SLC1A7: variants seen among roughly 807,000 people sequenced by gnomAD.
The protein encoded by SLC1A7 is solute carrier family 1 member 7.
Under a neutral mutation model 47.7 loss-of-function variants are expected in SLC1A7, and 40 were observed. The observed-to-expected ratio is 0.84, with a 90% CI of 0.65 to 1.09. The LOEUF is 1.09. Ranked by LOEUF, SLC1A7 falls within the 50% of genes least tolerant of loss-of-function variation. The pLI, the probability that SLC1A7 is intolerant of heterozygous loss-of-function variation, is 0.00. For synonymous variants in SLC1A7, 323 were observed against 325.6 expected (o/e 0.99, Z 0.09); for missense variants, 746 against 769.5 (o/e 0.97, Z 0.36).
chr1:53,094,052 C>T (rs1308143923), intron 5 of SLC1A7, among the ~76,000 whole-genome samples: 3 of 152,234 alleles, frequency 2.0e-5, no homozygotes, highest in Non-Finnish European at 4.4e-5. Context: ...GCTGCCCGCT[C>T]TCCAAACAGC....
chr1:53,130,157 A>T (rs1205575642), intron 2 of SLC1A7, among the ~76,000 whole-genome samples: 3 of 152,258 alleles, frequency 2.0e-5, no homozygotes, highest in Non-Finnish European at 4.4e-5. Context: ...ACAGATCATC[A>T]TCCATTTTAC....
intron 2 of SLC1A7, chr1:53,115,180 A>T: frequency 1.7e-6 from 1 of 590,248 alleles, no homozygotes; most frequent in Non-Finnish European, 3.0e-6. Flanking sequence ...GGCCACACAC[A>T]TCTGTGCCTT....
At chr1:53,101,469 C>T (rs1436420398) in intron 5 of SLC1A7, among the ~76,000 whole-genome samples, 6 of 149,154 alleles carry the variant, frequency 4.0e-5, no homozygotes, top group East Asian at 4.0e-4. Context: ...CACACCACCT[C>T]GAAACACCCA....
At chr1:53,098,816 C>A (rs1303349903) in intron 5 of SLC1A7, among the ~76,000 whole-genome samples, 1 of 151,150 alleles carries the variant, frequency 6.6e-6, no homozygotes, top group Non-Finnish European at 1.5e-5. Flanking sequence ...ACTCACACAC[C>A]CTGCCTTGGT....
At chr1:53,133,191 T>C (rs1644958537) in intron 2 of SLC1A7, among the ~76,000 whole-genome samples, 1 of 152,118 alleles carries the variant, frequency 6.6e-6, no homozygotes, top group Non-Finnish European at 1.5e-5. Context: ...GGACGTGTCG[T>C]ACAGATTCAG....
rs1231004634 is a variant in SLC1A7, at chr1:53,092,654, TAA to T, written c.929_930del (p.Phe310TyrfsTer133). 6.2e-7 allele frequency: 1 copy of T among 1,613,990 alleles called. No individual in the cohort carries two copies. The highest frequency in any genetic ancestry group is 8.5e-7 in the Non-Finnish European group (1 of 1,179,972). On this transcript the variant is annotated frameshift_variant, in exon 7 of 11. Transcript: ENST00000371494. LOFTEE classifies it high-confidence loss of function. The part of the protein sequence containing the change: ...VVCGLVLHGL[F>X]ILPLLYFFIT... ...ATGAAGAAGTAGAGCAGGGGCAGGA[TAA>T]AGAGCCCGTGGAGCACCAGCCCGCA...
intron 2 of SLC1A7, among the ~76,000 whole-genome samples, chr1:53,133,219 G>A (rs1259070726): frequency 6.6e-6 from 1 of 152,180 alleles, no homozygotes. Context: ...GAGGACTGCT[G>A]ACCCTGACAG....
At chr1:53,110,494 C>T (rs537209601) in intron 3 of SLC1A7, among the ~76,000 whole-genome samples, 1 of 152,100 alleles carries the variant, frequency 6.6e-6, no homozygotes, top group Non-Finnish European at 1.5e-5. Context: ...CAGTTTTCAC[C>T]ACGTGAAAAG....
intron 5 of SLC1A7, among the ~76,000 whole-genome samples, chr1:53,095,805 C>T (rs1057185096): frequency 6.8e-6 from 1 of 147,122 alleles, no homozygotes; most frequent in Non-Finnish European, 1.5e-5. Context: ...ACATTCACCC[C>T]GACTTGGTAC....
intron 2 of SLC1A7, among the ~76,000 whole-genome samples, chr1:53,117,426 T>C (rs1245161115): frequency 6.6e-6 from 1 of 152,290 alleles, no homozygotes; most frequent in East Asian, 1.9e-4. Flanking sequence ...CATGGTGTAC[T>C]GGGAGGGTCA....
At chr1:53,115,315 C>T (rs963244858) in intron 2 of SLC1A7, 2 of 332,164 alleles carry the variant, frequency 6.0e-6, no homozygotes, top group Non-Finnish European at 1.1e-5. Flanking sequence ...CCTCAAGTTT[C>T]CCATGCTTGG....
intron 4 of SLC1A7, 74 bp downstream of exon 4, chr1:53,105,658 T>C (rs2150326575): frequency 8.7e-7 from 1 of 1,153,652 alleles, no homozygotes; most frequent in Non-Finnish European, 1.3e-6. Context: ...TTCCCAGCCA[T>C]GCCACTAGCC....
At chr1:53,088,761 G>A in intron 10 of SLC1A7, 116 bp downstream of exon 10, 1 of 751,482 alleles carries the variant, frequency 1.3e-6, no homozygotes, top group East Asian at 2.6e-5. Context: ...GAGGCCCAGA[G>A]GCATGGAGGG....
At position 53,109,224 on chromosome 1, in the gene SLC1A7, T is replaced by G. The variant is rs181440340; in HGVS notation, c.432-3450A>C. ...AATAACATGTCCCCAAACCAAGCCC[T>G]AAAGGTGGGAATTGTTCCTTCCCAA... On this transcript the variant is annotated intron_variant, in intron 3 of 10. Transcript: ENST00000371494. Among the ~76,000 whole-genome samples the G allele has an allele frequency of 1.4e-3, 218 of 151,808 alleles. 2 individuals carry two copies. Among genetic ancestry groups the G allele is most frequent in the Admixed American group, 0.011 (163 of 15,254 alleles).
At chr1:53,132,866 C>T (rs750738938) in intron 2 of SLC1A7, among the ~76,000 whole-genome samples, 5 of 152,104 alleles carry the variant, frequency 3.3e-5, no homozygotes, top group South Asian at 2.1e-4. Context: ...AAACTTGAAA[C>T]GTTTGTGAAA....
intron 2 of SLC1A7, among the ~76,000 whole-genome samples, chr1:53,116,691 C>T (rs1336891266): frequency 6.6e-6 from 1 of 152,194 alleles, no homozygotes; most frequent in Non-Finnish European, 1.5e-5. Context: ...GACAGAACCC[C>T]CCGCAGTGGG....
chr1:53,097,059 A>ATCACACGCACTGCCTCAGTACGC, intron 5 of SLC1A7, among the ~76,000 whole-genome samples: 1 of 127,914 alleles, frequency 7.8e-6, no homozygotes, highest in East Asian at 2.5e-4. Context: ...CCTCGGTACA[A>ATCACACGCACTGCCTCAGTACGC]TCACACGCAC....
chr1:53,095,583 A>C (rs1213354791), intron 5 of SLC1A7, among the ~76,000 whole-genome samples: 1 of 142,598 alleles, frequency 7.0e-6, no homozygotes, highest in Non-Finnish European at 1.5e-5. Flanking sequence ...GCCTCGATAC[A>C]CTCACACACC....
intron 5 of SLC1A7, among the ~76,000 whole-genome samples, chr1:53,097,162 C>T (rs1294419765): frequency 2.7e-5 from 4 of 146,516 alleles, no homozygotes; most frequent in South Asian, 2.2e-4. Context: ...TCACATGCCC[C>T]ACCTCAGTAC....
Sources: gnomAD v4.1 joint callset for allele counts (sites outside exome capture counted in the v4.1 genomes callset) on GRCh38, gnomAD v4.1.1 for gene constraint, MANE v1.5 for transcripts, NCBI Gene and HGNC (gene_info 2026-07-23, HGNC 2026-07-21) for gene names.